IGF2R: variants seen among roughly 807,000 people sequenced by gnomAD.
IGF2R encodes the protein insulin like growth factor 2 receptor.
In IGF2R, 91 loss-of-function variants were observed where a neutral mutation model predicts 270.6. The ratio of observed to expected loss-of-function variants is 0.34; its 90% CI spans 0.28 to 0.40. The LOEUF (loss-of-function observed/expected upper bound fraction) is 0.40. Among genes scored for constraint, IGF2R ranks in the 10% least tolerant of loss-of-function variants. IGF2R has a pLI of 1.00. For missense variants in IGF2R, 2,805 were observed against 3,188.3 expected, an observed-to-expected ratio of 0.88 and a Z score of 2.90; for synonymous variants, 1,316 against 1,258.9, an observed-to-expected ratio of 1.05 and a Z score of -0.96.
intron 4 of IGF2R, among the ~76,000 whole-genome samples, chr6:160,011,434 T>C (rs1487167411): frequency 2.6e-5 from 4 of 152,096 alleles, no homozygotes; most frequent in Non-Finnish European, 4.4e-5. Flanking sequence ...TGTATATATA[T>C]CTATATACAT....
Position 160,089,207 on chromosome 6 carries a change from A to G in IGF2R, c.6421A>G (p.Asn2141Asp). 1 of 1,613,454 alleles carries G rather than the reference A, an allele frequency of 6.2e-7. No individual in the cohort carries two copies. Among genetic ancestry groups the G allele is most frequent in the Non-Finnish European group, 8.5e-7 (1 of 1,179,506 alleles). ...EVQMVNGTIT[N>D]PINGKSFSLG... ...GCAGATGGTGAATGGGACCATCACC[A>G]ACCCTATAAATGGCAAGAGCTTCAG... The change falls in exon 43 of 48, where the codon AAC (asparagine) becomes GAC (aspartate). Residue 2141 changes from asparagine (N) to aspartate (D), a missense_variant. Asn to Asp is a conservative substitution (Grantham distance 23). Transcript: ENST00000356956.
Position 160,107,618 on chromosome 6 carries a change from C to A in IGF2R, c.*2534C>A, listed in dbSNP as rs1481949111. 1 of 152,148 alleles carries A rather than the reference C, an allele frequency of 6.6e-6. No individual in the cohort carries two copies. The highest frequency in any genetic ancestry group is 1.5e-5 in the Non-Finnish European group (1 of 68,036). 9.4% of individuals were successfully genotyped at this position (152,148 alleles called of 1,614,324 possible). On this transcript the variant is annotated 3_prime_UTR_variant, in exon 48 of 48. Transcript: ENST00000356956. ...AATTTTTTGTGCCCCTTTCTTGAGA[C>A]TGTCCATGAATGACAGAGACATAGA...
At chr6:160,054,832 T>G (rs1778275343) in intron 19 of IGF2R, among the ~76,000 whole-genome samples, 1 of 152,180 alleles carries the variant, frequency 6.6e-6, no homozygotes, top group Non-Finnish European at 1.5e-5. Flanking sequence ...ATGTTCATTA[T>G]CAACTAAATT....
At chr6:159,985,255 A>G (rs940382810) in intron 1 of IGF2R, among the ~76,000 whole-genome samples, 1 of 152,228 alleles carries the variant, frequency 6.6e-6, no homozygotes, top group African/African-American at 2.4e-5. Flanking sequence ...ATGTTTTCTG[A>G]AAAGTTAAAA....
chr6:160,006,612 G>C (rs10945648), intron 2 of IGF2R: 29,474 of 152,212 alleles, frequency 0.19, 3,532 homozygotes, highest in East Asian at 0.57. Flanking sequence ...GCAGGCAGAA[G>C]AACCACGGGG....
intron 28 of IGF2R, 101 bp from the exon 29 acceptor site, chr6:160,064,703 A>G: frequency 1.8e-6 from 2 of 1,112,290 alleles, no homozygotes; most frequent in Non-Finnish European, 2.7e-6. Flanking sequence ...ATTGATTTTC[A>G]TGAACGTAAC....
chr6:160,074,501 G>A (rs1474226159), intron 35 of IGF2R, among the ~76,000 whole-genome samples: 1 of 152,224 alleles, frequency 6.6e-6, no homozygotes, highest in Non-Finnish European at 1.5e-5. Flanking sequence ...CAGCCAGGCT[G>A]GCCTCAGGCT....
intron 14 of IGF2R, among the ~76,000 whole-genome samples, chr6:160,046,211 A>T (rs56412390): frequency 6.6e-6 from 1 of 152,204 alleles, no homozygotes; most frequent in Non-Finnish European, 1.5e-5. Flanking sequence ...TGCTCGTCCT[A>T]CTTTGAACAT....
At chr6:159,995,408 T>G (rs1244654223) in intron 2 of IGF2R, among the ~76,000 whole-genome samples, 3 of 152,116 alleles carry the variant, frequency 2.0e-5, no homozygotes, top group African/African-American at 7.2e-5. Context: ...ATCTTTTATG[T>G]AAAGGATTTA....
chr6:159,969,384 C>G lies in IGF2R; in HGVS notation c.138C>G (p.Pro46=), dbSNP rs1203358390. The G allele has an allele frequency of 7.9e-7, 1 of 1,265,030 alleles. No individual in the cohort carries two copies. Among genetic ancestry groups the G allele is most frequent in the Non-Finnish European group, 9.9e-7 (1 of 1,006,050 alleles). 78.4% of individuals were successfully genotyped at this position (1,265,030 alleles called of 1,614,324 possible). A position where few individuals can be genotyped will look rare whatever the true frequency, so the allele number is the denominator to read the frequency against. The part of the protein sequence containing the change: ...GSTQAQAAPF[P]ELCSYTWEAV... ...CGCAGGCCCAGGCCGCCCCGTTCCC[C>G]GAGCTGTGCAGGTGGGTGGCCCGCC... Residue 46 remains proline (P), a synonymous_variant, in exon 1 of 48, where the codon CCC becomes CCG. Transcript: ENST00000356956.
chr6:160,073,469 G>A lies in IGF2R; in HGVS notation c.4947G>A (p.Ala1649=), dbSNP rs774685428. 17 of 1,613,948 alleles carry A rather than the reference G, an allele frequency of 1.1e-5. No homozygotes were observed. The highest frequency in any genetic ancestry group is 5.5e-5 in the South Asian group (5 of 91,078). Reference sequence around the variant, plus strand: ...ACACGCCGCTGGCCTGCGAGCAAGCGGTGAGTTTTCAGATGGGCACGGGAG... The same window carrying A: ...ACACGCCGCTGGCCTGCGAGCAAGCAGTGAGTTTTCAGATGGGCACGGGAG... The part of the protein sequence containing the change: ...SWHTPLACEQ[A]TECSVRNGSS... The change falls in exon 34 of 48, where the codon GCG becomes GCA. Residue 1649 remains alanine, a splice_region_variant and synonymous_variant. Coordinates refer to ENST00000356956, the MANE Select transcript of IGF2R (RefSeq NM_000876.4).
chr6:160,026,773 G>GT (rs539423489), intron 5 of IGF2R, among the ~76,000 whole-genome samples: 234 of 152,332 alleles, frequency 1.5e-3, no homozygotes, highest in Non-Finnish European at 2.1e-3. Flanking sequence ...TATCGACATA[G>GT]TAAGTGGTCG....
Position 160,045,824 on chromosome 6 carries a change from G to A in IGF2R, c.1845G>A (p.Ala615=), listed in dbSNP as rs8191798. ...ATGAGTTTGAGTGGCACACAGCTGC[G>A]GCCTGTGTGCTGTCTAAGACAGAAG... ...CFYEFEWHTA[A]ACVLSKTEGE... Residue 615 remains alanine (A), a synonymous_variant, in exon 14 of 48, where the codon GCG becomes GCA. Coordinates refer to ENST00000356956, the MANE Select transcript of IGF2R (RefSeq NM_000876.4). The A allele has an allele frequency of 4.3e-4, 693 of 1,612,508 alleles. 4 individuals carry two copies. In the African/African-American group the frequency reaches 8.5e-3, roughly 20 times the overall value.
intron 8 of IGF2R, 87 bp from the exon 9 acceptor site, chr6:160,032,855 G>C: frequency 7.2e-7 from 1 of 1,391,488 alleles, no homozygotes. Context: ...TCAGAAATAG[G>C]ATTCAGGTTT....
chr6:160,039,263 G>C (rs1039196280), intron 10 of IGF2R, among the ~76,000 whole-genome samples: 4 of 152,182 alleles, frequency 2.6e-5, no homozygotes, highest in Non-Finnish European at 1.5e-5. Context: ...GCATGCACTT[G>C]TAACACAACG....
At chr6:160,104,192 G>A (rs1423356568) in intron 47 of IGF2R, among the ~76,000 whole-genome samples, 3 of 152,132 alleles carry the variant, frequency 2.0e-5, no homozygotes, top group African/African-American at 7.2e-5. Context: ...TGGATCAAAG[G>A]ACATAATGTT....
chr6:160,096,762 C>T (rs565968463), intron 45 of IGF2R, 137 bp downstream of exon 45: 72 of 732,442 alleles, frequency 9.8e-5, no homozygotes, highest in East Asian at 7.7e-4. Context: ...ATGATAGAAG[C>T]GGACCCCACA....
chr6:160,039,200 C>A (rs1436160963), intron 10 of IGF2R, among the ~76,000 whole-genome samples: 2 of 152,182 alleles, frequency 1.3e-5, no homozygotes, highest in Non-Finnish European at 2.9e-5. Flanking sequence ...TATGGTGTAG[C>A]CTATTGGCTC....
intron 13 of IGF2R, 42 bp downstream of exon 13, chr6:160,044,699 C>T: frequency 6.5e-7 from 1 of 1,533,410 alleles, no homozygotes; most frequent in Non-Finnish European, 8.9e-7. Flanking sequence ...TGGCTTCTGC[C>T]AGAGGTCCTG....
Sources: allele counts gnomAD v4.1 joint callset (sites outside exome capture counted in the v4.1 genomes callset), GRCh38; gene constraint gnomAD v4.1.1; transcripts MANE v1.5; gene names NCBI Gene and HGNC (gene_info 2026-07-23, HGNC 2026-07-21).